Variants in PATJ observed in about 807,000 individuals in gnomAD.
The protein encoded by PATJ is inaD-like protein.
In PATJ, 190 loss-of-function variants were observed where a neutral mutation model predicts 224.9. The ratio of observed to expected loss-of-function variants is 0.84; its 90% CI spans 0.75 to 0.95. The LOEUF (loss-of-function observed/expected upper bound fraction) is 0.95. Ranked by LOEUF, PATJ falls within the 40% of genes least tolerant of loss-of-function variation. The probability of loss-of-function intolerance (pLI) is 0.00; values close to 1 mark genes in which losing one functional copy is unlikely to be tolerated. For missense variants in PATJ, 2,121 were observed against 2,270.3 expected (o/e 0.93, Z 1.34); for synonymous variants, 769 against 820.3 (o/e 0.94, Z 1.07).
chr1:61,875,525 G>T (rs2149029813), intron 21 of PATJ, 159 bp downstream of exon 21: 3 of 528,992 alleles, frequency 5.7e-6, no homozygotes, highest in Admixed American at 3.9e-5. Context: ...TTACCTGAAA[G>T]AATAAACATG....
intron 31 of PATJ, among the ~76,000 whole-genome samples, chr1:62,056,318 T>A (rs1293235480): frequency 6.6e-6 from 1 of 152,202 alleles, no homozygotes; most frequent in Non-Finnish European, 1.5e-5. Context: ...CAATAGTAGT[T>A]ATATAGTAGT....
At position 61,808,504 on chromosome 1, in the gene PATJ, G is replaced by GA. The variant is rs779247213; in HGVS notation, c.1658dup (p.Asp553GlufsTer3). 6.2e-7 allele frequency: 1 copy of GA among 1,608,266 alleles called. No individual in the cohort carries two copies. Among genetic ancestry groups the GA allele is most frequent in the South Asian group, 1.1e-5 (1 of 90,536 alleles). ...TACTTTGGACACACAGATTGCAGAT[G>GA]ATGCTGAGTTACAGAAATATTCAAA... On this transcript the variant is annotated frameshift_variant, in exon 14 of 44. Coordinates refer to ENST00000642238, the MANE Select transcript of PATJ (RefSeq NM_001350145.3). LOFTEE classifies it high-confidence loss of function.
At chr1:61,778,292 A>G (rs1647052041) in intron 7 of PATJ, among the ~76,000 whole-genome samples, 1 of 152,196 alleles carries the variant, frequency 6.6e-6, no homozygotes, top group South Asian at 2.1e-4. Flanking sequence ...CTGGGATTAT[A>G]GGTGTGAGCC....
chr1:61,824,429 C>CT (rs33949343), intron 15 of PATJ, among the ~76,000 whole-genome samples: 18,729 of 137,938 alleles, frequency 0.14, 1,451 homozygotes, highest in African/African-American at 0.16. Flanking sequence ...ACCTTTTTTC[C>CT]TTTTTTTTTT....
intron 36 of PATJ, among the ~76,000 whole-genome samples, 159 bp from the exon 37 acceptor site, chr1:62,116,973 C>G (rs1664506902): frequency 6.6e-6 from 1 of 152,194 alleles, no homozygotes; most frequent in Non-Finnish European, 1.5e-5. Flanking sequence ...GAGATGGGCC[C>G]TCCAGGAGCC....
chr1:62,161,267 G>T lies in PATJ; in HGVS notation c.*213G>T. On this transcript the variant is annotated 3_prime_UTR_variant, in exon 44 of 44. Coordinates refer to ENST00000642238, the MANE Select transcript of PATJ (RefSeq NM_001350145.3). ...TTCCCAGTTCCTGTCACCTGTTGGC[G>T]AGGTTGATTTCTAAAACTTAAATGA... The T allele has an allele frequency of 1.0e-5, 4 of 394,644 alleles. No individual in the cohort carries two copies. Among genetic ancestry groups the T allele is most frequent in the Non-Finnish European group, 1.8e-5 (4 of 225,180 alleles). 24.4% of individuals were successfully genotyped at this position (394,644 alleles called of 1,614,324 possible).
In PATJ at chr1:62,108,436, G is replaced by T; in HGVS notation, c.4378-1G>T. On this transcript the variant is annotated splice_acceptor_variant, in intron 33 of 43. Coordinates refer to ENST00000642238, the MANE Select transcript of PATJ (RefSeq NM_001350145.3). LOFTEE classifies it high-confidence loss of function. ...AATGAGTAAGATTTTATTTTTTATA[G>T]AATGCTATAGTTATCCATGAAGTCT... 6.3e-7 allele frequency: 1 copy of T among 1,584,922 alleles called. No homozygotes were observed. Among genetic ancestry groups the T allele is most frequent in the Non-Finnish European group, 8.6e-7 (1 of 1,160,858 alleles).
intron 27 of PATJ, among the ~76,000 whole-genome samples, chr1:61,932,863 C>T (rs1676236797): frequency 2.0e-5 from 3 of 152,302 alleles, no homozygotes; most frequent in African/African-American, 7.2e-5. Flanking sequence ...TGCGCCACTG[C>T]ACTCCAGCCT....
intron 30 of PATJ, among the ~76,000 whole-genome samples, chr1:62,044,360 T>A (rs1652102774): frequency 6.6e-6 from 1 of 152,202 alleles, no homozygotes. Context: ...GGGTCTGAAT[T>A]TCATTCTTTG....
At chr1:62,133,234 G>A (rs1459118586) in intron 41 of PATJ, among the ~76,000 whole-genome samples, 1 of 149,908 alleles carries the variant, frequency 6.7e-6, no homozygotes, top group Non-Finnish European at 1.5e-5. Flanking sequence ...TTTTTATCAT[G>A]TACTGTACTA....
rs75210192 is a variant in PATJ at position 62,113,913 on chromosome 1, T to C, written c.4462-140T>C. Reference sequence around the variant, plus strand: ...TATATTCAAAGCAGCTCATACTGCTTGTGGTCACTACCTGTTTGCCTTGAG... The same window carrying C: ...TATATTCAAAGCAGCTCATACTGCTCGTGGTCACTACCTGTTTGCCTTGAG... On this transcript the variant is annotated intron_variant, in intron 34 of 43. Transcript: ENST00000642238. The C allele has an allele frequency of 1.7e-3, 1,293 of 741,382 alleles. 15 individuals carry two copies. In the African/African-American group the frequency reaches 0.02, roughly 12 times the overall value. The allele number at this position is 741,382 out of a possible 1,614,324, so 45.9% of individuals were successfully genotyped here. A position where few individuals can be genotyped will look rare whatever the true frequency, so the allele number is the denominator to read the frequency against.
At position 61,852,119 on chromosome 1, in the gene PATJ, T is replaced by TAAAAAAA. The variant is rs3030913; in HGVS notation, c.2113-3895_2113-3889dup. Among the ~76,000 whole-genome samples the TAAAAAAA allele has an allele frequency of 2.8e-5, 3 of 108,926 alleles. 1 individual carries two copies. The highest frequency in any genetic ancestry group is 5.5e-5 in the Non-Finnish European group (3 of 54,664). The allele number at this position is 108,926 out of a possible 152,430, so 71.5% of individuals were successfully genotyped here. On this transcript the variant is annotated intron_variant, in intron 17 of 43. Coordinates refer to ENST00000642238, the MANE Select transcript of PATJ (RefSeq NM_001350145.3). ...TGGGTGACAGAGAGGGATTCTGTCT[T>TAAAAAAA]AAAAAAAAAAAAAAAAAAAAAAGAG... is the stretch of plus-strand genomic sequence containing the variant.
chr1:61,827,467 T>C lies in PATJ; in HGVS notation c.1864T>C (p.Ser622Pro). Reference protein sequence around the residue: ...LYGKSRREAVSFLKEVPPPFT... With the variant: ...LYGKSRREAVPFLKEVPPPFT... ...TGGAAAATCTCGCCGAGAAGCAGTC[T>C]CCTTTCTTAAAGAAGTGCCACCCCC... is the stretch of plus-strand genomic sequence containing the variant. Residue 622 changes from serine (S) to proline (P), a missense_variant, in exon 16 of 44, where the codon TCC (serine) becomes CCC (proline). By Grantham distance (74) the Ser-to-Pro change is moderately conservative. Transcript: ENST00000642238. 1 of 1,614,090 alleles carries C rather than the reference T, an allele frequency of 6.2e-7. No homozygotes were observed. The highest frequency in any genetic ancestry group is 8.5e-7 in the Non-Finnish European group (1 of 1,179,992).
chr1:62,090,713 T>C (rs1660623916), intron 33 of PATJ, among the ~76,000 whole-genome samples: 1 of 152,144 alleles, frequency 6.6e-6, no homozygotes. Context: ...CTTGTTGGAG[T>C]GTTGAATTTG....
At position 62,162,240 on chromosome 1, in the gene PATJ, A is replaced by ATTCCT. The variant is rs1669891031; in HGVS notation, c.*1186_*1187insTTCCT. On this transcript the variant is annotated 3_prime_UTR_variant, in exon 44 of 44. Transcript: ENST00000642238. ...TCATTCCCACCCCTCGGTCTTAGGA[A>ATTCCT]AAGGAGGTAGAAGCCCCAGAACCAC... is the stretch of plus-strand genomic sequence containing the variant. 1 of 152,220 alleles carries ATTCCT rather than the reference A, an allele frequency of 6.6e-6. No homozygotes were observed. Among genetic ancestry groups the ATTCCT allele is most frequent in the Non-Finnish European group, 1.5e-5 (1 of 68,050 alleles). The allele number at this position is 152,220 out of a possible 1,614,324, so 9.4% of individuals were successfully genotyped here. A position where few individuals can be genotyped will look rare whatever the true frequency, so the allele number is the denominator to read the frequency against.
At chr1:61,771,686 G>A (rs923957120) in intron 6 of PATJ, 60 bp downstream of exon 6, 80 of 1,211,310 alleles carry the variant, frequency 6.6e-5, no homozygotes, top group Non-Finnish European at 8.7e-5. Context: ...CGTAAGAAGT[G>A]TAAAGACATT....
chr1:62,109,210 G>GTT (rs397942833), intron 34 of PATJ, among the ~76,000 whole-genome samples: 11 of 142,716 alleles, frequency 7.7e-5, no homozygotes, highest in African/African-American at 1.8e-4. Flanking sequence ...TTTAGGCCAC[G>GTT]TTTTTTTTTT....
chr1:61,902,985 G>T (rs1302626302), intron 24 of PATJ, among the ~76,000 whole-genome samples: 4 of 152,162 alleles, frequency 2.6e-5, no homozygotes. Context: ...AGGAGCAGCA[G>T]TGAGTCCAGC....
chr1:62,058,719 T>C (rs955335800), intron 31 of PATJ, among the ~76,000 whole-genome samples: 6 of 152,214 alleles, frequency 3.9e-5, no homozygotes, highest in Admixed American at 2.0e-4. Context: ...GAAATGTAGG[T>C]GTGCCAGAGC....
Sources: allele counts gnomAD v4.1 joint callset (sites outside exome capture counted in the v4.1 genomes callset), GRCh38; gene constraint gnomAD v4.1.1; transcripts MANE v1.5; gene names NCBI Gene and HGNC (gene_info 2026-07-23, HGNC 2026-07-21).